Variants in MMEL1 observed in about 807,000 individuals in gnomAD.
MMEL1 encodes the protein membrane metallo-endopeptidase-like 1.
In MMEL1, 98 loss-of-function variants were observed where a neutral mutation model predicts 117.1. The observed-to-expected ratio is 0.84, with a 90% confidence interval of 0.71 to 0.99. MMEL1 has a LOEUF of 0.99. Among genes scored for constraint, MMEL1 ranks in the 50% least tolerant of loss-of-function variants. The probability of loss-of-function intolerance (pLI) is 0.00; values close to 1 mark genes in which losing one functional copy is unlikely to be tolerated. For synonymous variants in MMEL1, 390 were observed against 415.1 expected (o/e 0.94, Z 0.74); for missense variants, 1,014 against 1,049.1 (o/e 0.97, Z 0.46).
intron 2 of MMEL1, among the ~76,000 whole-genome samples, chr1:2,613,026 G>T (rs1645153472): frequency 6.6e-6 from 1 of 152,190 alleles, no homozygotes; most frequent in African/African-American, 2.4e-5. Context: ...CTGCAGAGAG[G>T]GTGCTAGAAG....
intron 4 of MMEL1, among the ~76,000 whole-genome samples, chr1:2,610,607 A>G (rs1645109553): frequency 6.6e-6 from 1 of 152,080 alleles, no homozygotes; most frequent in Admixed American, 6.5e-5. Context: ...TCTTACCACC[A>G]TGGGGGTTTG....
At chr1:2,617,340 T>A (rs1310763917) in intron 2 of MMEL1, among the ~76,000 whole-genome samples, 1 of 142,590 alleles carries the variant, frequency 7.0e-6, no homozygotes, top group East Asian at 2.1e-4. Context: ...GGCAGGAGAA[T>A]GGCGTGAACC....
At chr1:2,607,093 T>C (rs1278595318) in intron 6 of MMEL1, 24 bp from the exon 7 acceptor site, 4 of 1,595,058 alleles carry the variant, frequency 2.5e-6, no homozygotes, top group Non-Finnish European at 3.4e-6. Flanking sequence ...CAGTGGTCAC[T>C]CTCCCAGCCT....
Position 2,612,338 on chromosome 1 carries a change from G to T in MMEL1, c.155-134C>A. 1.5e-6 allele frequency: 1 copy of T among 686,062 alleles called. No homozygotes were observed. The highest frequency in any genetic ancestry group is 1.8e-5 in the African/African-American group (1 of 55,828). 42.5% of individuals were successfully genotyped at this position (686,062 alleles called of 1,614,324 possible). On this transcript the variant is annotated intron_variant, in intron 2 of 23. Transcript: ENST00000378412. This position sits in a 1 kb window ranked among gnomAD's most constrained non-coding sequence, Gnocchi z 5.4. The stretch of plus-strand genomic sequence containing the variant: ...AGCCCTACCCCTGTAGTGAGGGCTG[G>T]TCCCCAGGGCAGCGAGACAGGAGAT...
intron 12 of MMEL1, 41 bp downstream of exon 12, chr1:2,598,613 C>A (rs776779095): frequency 2.0e-5 from 33 of 1,610,378 alleles, no homozygotes; most frequent in Non-Finnish European, 2.5e-5. Flanking sequence ...AGAGCAGGGG[C>A]AAAGATGCTG....
At chr1:2,623,193 G>A (rs150065015) in intron 2 of MMEL1, among the ~76,000 whole-genome samples, 3 of 151,690 alleles carry the variant, frequency 2.0e-5, no homozygotes, top group African/African-American at 4.8e-5. Context: ...AGTTCTTAAC[G>A]GCAATAACAT....
intron 17 of MMEL1, among the ~76,000 whole-genome samples, 169 bp from the exon 18 acceptor site, chr1:2,594,612 C>A (rs905200469): frequency 6.6e-6 from 1 of 152,186 alleles, no homozygotes; most frequent in South Asian, 2.1e-4. Flanking sequence ...GCGACTTGGG[C>A]CCCAGAAAGC....
rs369015004 is a variant in MMEL1, at chr1:2,611,137, C to A, written c.292+144G>T. The stretch of plus-strand genomic sequence containing the variant: ...AACACCAGCTCCGCCCGCTCCACAG[C>A]GAGTCCGAGTCCGGCCCACCCGGCT... On this transcript the variant is annotated intron_variant, in intron 4 of 23. Transcript: ENST00000378412. 92 of 762,868 alleles carry A rather than the reference C, an allele frequency of 1.2e-4. 1 individual carries two copies. Among genetic ancestry groups the A allele is most frequent in the East Asian group, 7.0e-4 (22 of 31,640 alleles). 47.3% of individuals were successfully genotyped at this position (762,868 alleles called of 1,614,324 possible).
chr1:2,596,595 A>G lies in MMEL1; in HGVS notation c.1367T>C (p.Val456Ala). The G allele has an allele frequency of 1.2e-6, 2 of 1,612,612 alleles. No homozygotes were observed. Among genetic ancestry groups the G allele is most frequent in the Admixed American group, 1.7e-5 (1 of 60,014 alleles). Reference sequence around the variant, plus strand: ...GCTGTCTCCAGGGAACGCCTCCCTGACGTAGAGGGAGCCCACGGCGTTCTC... The same window carrying G: ...GCTGTCTCCAGGGAACGCCTCCCTGGCGTAGAGGGAGCCCACGGCGTTCTC... Reference protein sequence around the residue: ...NMENAVGSLYVREAFPGDSKS... With the variant: ...NMENAVGSLYAREAFPGDSKS... The change falls in exon 14 of 24, where the codon GTC (valine) becomes GCC (alanine). Residue 456 changes from valine (V) to alanine (A), a missense_variant. Coordinates refer to ENST00000378412, the MANE Select transcript of MMEL1 (RefSeq NM_033467.4).
chr1:2,624,498 A>T (rs1454873448), intron 2 of MMEL1, among the ~76,000 whole-genome samples: 1 of 152,252 alleles, frequency 6.6e-6, no homozygotes, highest in Non-Finnish European at 1.5e-5. Context: ...CATTTCAAAA[A>T]GACTCATATA....
At chr1:2,630,658 A>G (rs112811604) in intron 1 of MMEL1, among the ~76,000 whole-genome samples, 126 of 135,128 alleles carry the variant, frequency 9.3e-4, no homozygotes, top group African/African-American at 3.5e-3. Flanking sequence ...CGTGTGCATG[A>G]TTATGTGTGC....
At chr1:2,624,929 G>GGA (rs1404050959) in intron 2 of MMEL1, among the ~76,000 whole-genome samples, 4 of 152,108 alleles carry the variant, frequency 2.6e-5, no homozygotes, top group Non-Finnish European at 5.9e-5. Flanking sequence ...GTGGAGCAGG[G>GGA]GAGAGAGAGA....
At chr1:2,622,611 G>A (rs991067249) in intron 2 of MMEL1, among the ~76,000 whole-genome samples, 6 of 152,128 alleles carry the variant, frequency 3.9e-5, no homozygotes, top group Non-Finnish European at 8.8e-5. Context: ...TTGGCCGGGC[G>A]CGGTGGCTCA....
chr1:2,593,771 C>A (rs368381322), intron 19 of MMEL1, 43 bp downstream of exon 19: 2 of 1,531,380 alleles, frequency 1.3e-6, no homozygotes, highest in East Asian at 2.4e-5. Flanking sequence ...TGCTTCTCCG[C>A]GGAGAGGGGA....
In MMEL1 at chr1:2,595,875, T is replaced by A. The variant is rs1644828964; in HGVS notation, c.1500+134A>T. The A allele has an allele frequency of 1.5e-6, 1 of 674,688 alleles. No homozygotes were observed. The highest frequency in any genetic ancestry group is 1.8e-5 in the South Asian group (1 of 56,942). The allele number at this position is 674,688 out of a possible 1,614,324, so 41.8% of individuals were successfully genotyped here. A position where few individuals can be genotyped will look rare whatever the true frequency, so the allele number is the denominator to read the frequency against. On this transcript the variant is annotated intron_variant, in intron 15 of 23. Transcript: ENST00000378412. This position sits in a 1 kb window ranked among gnomAD's most constrained non-coding sequence, Gnocchi z 4.8. ...CTGTCTGCGCCTCCCGGGGCTGCCT[T>A]CTCCCCGTGGGGTCCTGTCTGCGCC...
chr1:2,596,736 C>T (rs1276189178), intron 13 of MMEL1, 47 bp from the exon 14 acceptor site: 1 of 1,604,304 alleles, frequency 6.2e-7, no homozygotes, highest in African/African-American at 1.3e-5. Context: ...GTCAGCCTTC[C>T]CAGGCCTGGC....
chr1:2,600,170 G>T (rs1369433101), intron 11 of MMEL1, among the ~76,000 whole-genome samples: 1 of 151,992 alleles, frequency 6.6e-6, no homozygotes, highest in Non-Finnish European at 1.5e-5. Context: ...GTTTCACCAT[G>T]TTGGCCAGGC....
intron 17 of MMEL1, 35 bp downstream of exon 17, chr1:2,594,755 C>T (rs759362282): frequency 6.4e-7 from 1 of 1,569,296 alleles, no homozygotes; most frequent in South Asian, 1.1e-5. Flanking sequence ...CTCCCTGGCC[C>T]CCCCCGCCCA....
In MMEL1 at chr1:2,593,818, G is replaced by C; in HGVS notation, c.1863C>G (p.Asp621Glu). The C allele has an allele frequency of 6.2e-7, 1 of 1,603,492 alleles. No individual in the cohort carries two copies. The highest frequency in any genetic ancestry group is 8.5e-7 in the Non-Finnish European group (1 of 1,173,660). The change falls in exon 19 of 24, where the codon GAC becomes GAG. Residue 621 changes from aspartate to glutamate, a missense_variant. By Grantham distance (45) the Asp-to-Glu change is conservative. Transcript: ENST00000378412. ...ATTGGAGGGGCGGCCGCTCACCATTGTCGTCAAAGCCGTGCGTGATCTCGT... is the reference window on the plus strand; with the variant it reads ...ATTGGAGGGGCGGCCGCTCACCATTCTCGTCAAAGCCGTGCGTGATCTCGT... ...IGHEITHGFD[D>E]NGRNFDKNGN...
Sources: gnomAD v4.1 joint callset for allele counts (sites outside exome capture counted in the v4.1 genomes callset) on GRCh38, gnomAD v4.1.1 for gene constraint, Gnocchi (gnomAD v3.1) non-coding constraint, MANE v1.5 for transcripts, NCBI Gene and HGNC (gene_info 2026-07-23, HGNC 2026-07-21) for gene names.